Variants in GSK3B observed in about 807,000 individuals in gnomAD.
GSK3B encodes glycogen synthase kinase 3 beta, also known as glycogen synthase kinase-3 beta.
GSK3B carries 15 observed loss-of-function variants against 56.4 expected under a neutral mutation model. The observed-to-expected ratio is 0.27, with a 90% CI of 0.18 to 0.41. The LOEUF (loss-of-function observed/expected upper bound fraction) is 0.41, where lower values mean the gene tolerates loss of function less well. Among genes scored for constraint, GSK3B ranks in the 10% least tolerant of loss-of-function variants. The pLI, the probability that GSK3B is intolerant of heterozygous loss-of-function variation, is 1.00. For synonymous variants in GSK3B, 181 were observed against 188.9 expected, an observed-to-expected ratio of 0.96 and a Z score of 0.34; for missense variants, 300 against 513.4, an observed-to-expected ratio of 0.58 and a Z score of 4.02.
At chr3:120,044,324 C>A (rs2058086159) in intron 1 of GSK3B, among the ~76,000 whole-genome samples, 1 of 152,142 alleles carries the variant, frequency 6.6e-6, no homozygotes, top group South Asian at 2.1e-4. Context: ...TTAGGCCCTT[C>A]CAAGAGCTTA....
intron 2 of GSK3B, among the ~76,000 whole-genome samples, chr3:119,964,818 A>G (rs1391370586): frequency 6.6e-6 from 1 of 152,194 alleles, no homozygotes; most frequent in East Asian, 1.9e-4. Flanking sequence ...TTTGGAGGCA[A>G]TAGATATATG....
At chr3:119,980,095 A>G (rs2057446458) in intron 2 of GSK3B, among the ~76,000 whole-genome samples, 1 of 152,218 alleles carries the variant, frequency 6.6e-6, no homozygotes, top group South Asian at 2.1e-4. Context: ...TAATTGGCCT[A>G]AGAAAACTAA....
chr3:119,945,488 G>T (rs1029882816), intron 3 of GSK3B, among the ~76,000 whole-genome samples: 4 of 151,990 alleles, frequency 2.6e-5, no homozygotes, highest in African/African-American at 9.7e-5. Flanking sequence ...TTATCCTCTG[G>T]GGCATACAGA....
intron 1 of GSK3B, among the ~76,000 whole-genome samples, chr3:120,032,158 T>C (rs866432316): frequency 1.3e-5 from 2 of 152,286 alleles, no homozygotes; most frequent in Admixed American, 6.5e-5. Flanking sequence ...TTTTTATATA[T>C]TGGGGTAAAT....
intron 10 of GSK3B, among the ~76,000 whole-genome samples, chr3:119,839,918 T>C (rs543623338): frequency 2.0e-5 from 3 of 152,304 alleles, no homozygotes; most frequent in Non-Finnish European, 2.9e-5. Flanking sequence ...GTAGCTTAGA[T>C]GGGTGATTAG....
chr3:119,975,567 C>T (rs1273154079), intron 2 of GSK3B, among the ~76,000 whole-genome samples: 2 of 152,008 alleles, frequency 1.3e-5, no homozygotes, highest in Non-Finnish European at 2.9e-5. Flanking sequence ...AAAGGCAAAA[C>T]TATGGAAATA....
At chr3:119,947,880 A>T (rs1242034526) in intron 2 of GSK3B, among the ~76,000 whole-genome samples, 2 of 151,724 alleles carry the variant, frequency 1.3e-5, no homozygotes, top group Non-Finnish European at 2.9e-5. Context: ...CTCAAAAAAA[A>T]AAAAAAAGAA....
At chr3:119,832,872 C>A in intron 10 of GSK3B, 1 of 479,214 alleles carries the variant, frequency 2.1e-6, no homozygotes, top group Non-Finnish European at 2.7e-6. Context: ...GATTTTTGTC[C>A]TGGAGTAAAT....
At chr3:119,974,337 C>A (rs2057392644) in intron 2 of GSK3B, among the ~76,000 whole-genome samples, 1 of 152,168 alleles carries the variant, frequency 6.6e-6, no homozygotes, top group African/African-American at 2.4e-5. Context: ...AACTCATACA[C>A]TGAAACCTAA....
At chr3:119,876,540 C>T (rs1429164600) in intron 7 of GSK3B, 32 bp from the exon 8 acceptor site, 2 of 1,185,380 alleles carry the variant, frequency 1.7e-6, no homozygotes, top group African/African-American at 3.0e-5. Flanking sequence ...GCCATCTTTT[C>T]CTATATATTT....
chr3:119,874,081 G>C (rs371351266), intron 8 of GSK3B, among the ~76,000 whole-genome samples: 3 of 152,258 alleles, frequency 2.0e-5, no homozygotes, highest in South Asian at 2.1e-4. Flanking sequence ...TACATATTTA[G>C]TACAGCTCTT....
At chr3:119,853,195 T>G (rs182639254) in intron 9 of GSK3B, among the ~76,000 whole-genome samples, 124 of 152,320 alleles carry the variant, frequency 8.1e-4, no homozygotes, top group Non-Finnish European at 1.6e-3. Flanking sequence ...TTTCCCCATT[T>G]CTTGTTTTTG....
chr3:119,997,772 C>G (rs1289500999), intron 2 of GSK3B, among the ~76,000 whole-genome samples: 2 of 151,858 alleles, frequency 1.3e-5, no homozygotes, highest in Non-Finnish European at 2.9e-5. Flanking sequence ...AAAAGGAAAC[C>G]CAGAAGAAAA....
At chr3:120,046,934 C>T (rs909844720) in intron 1 of GSK3B, among the ~76,000 whole-genome samples, 4 of 152,134 alleles carry the variant, frequency 2.6e-5, no homozygotes, top group African/African-American at 9.7e-5. Flanking sequence ...TTAGACTAGA[C>T]CATCACATTA....
At chr3:119,838,392 T>C (rs1157229322) in intron 10 of GSK3B, among the ~76,000 whole-genome samples, 1 of 152,218 alleles carries the variant, frequency 6.6e-6, no homozygotes, top group Non-Finnish European at 1.5e-5. Flanking sequence ...TGTCTCTAGA[T>C]ACTAAAGCAT....
chr3:119,915,076 T>C (rs2056767622), intron 5 of GSK3B, among the ~76,000 whole-genome samples: 1 of 152,060 alleles, frequency 6.6e-6, no homozygotes, highest in Non-Finnish European at 1.5e-5. Flanking sequence ...TAGGCTTGAC[T>C]ACATGTTAAA....
chr3:119,922,415 A>G (rs1309146589), intron 4 of GSK3B, among the ~76,000 whole-genome samples: 4 of 148,058 alleles, frequency 2.7e-5, no homozygotes, highest in Non-Finnish European at 6.0e-5. Flanking sequence ...TAGTATATAT[A>G]GTTTATATAT....
At position 119,876,406 on chromosome 3, in the gene GSK3B, A is replaced by T. The variant is rs769275172; in HGVS notation, c.909+7T>A. On this transcript the variant is annotated splice_region_variant and intron_variant, in intron 8 of 10. Coordinates refer to ENST00000264235, the MANE Select transcript of GSK3B (RefSeq NM_001146156.2). ...GATTAATATACTTAAAAAAAAATCTAACTCACCTTAGTCCAAGGATGTGCC... is the reference window on the plus strand; with the variant it reads ...GATTAATATACTTAAAAAAAAATCTTACTCACCTTAGTCCAAGGATGTGCC... 6.7e-7 allele frequency: 1 copy of T among 1,494,810 alleles called. No homozygotes were observed. The highest frequency in any genetic ancestry group is 9.3e-7 in the Non-Finnish European group (1 of 1,073,778). The allele number at this position is 1,494,810 out of a possible 1,614,324, so 92.6% of individuals were successfully genotyped here. A position where few individuals can be genotyped will look rare whatever the true frequency, so the allele number is the denominator to read the frequency against.
intron 7 of GSK3B, among the ~76,000 whole-genome samples, chr3:119,890,840 A>T (rs1213976907): frequency 6.6e-6 from 1 of 152,042 alleles, no homozygotes; most frequent in Non-Finnish European, 1.5e-5. Context: ...TTATAAGGCT[A>T]GCATTAAAAG....
Sources: allele counts gnomAD v4.1 joint callset (sites outside exome capture counted in the v4.1 genomes callset), GRCh38; gene constraint gnomAD v4.1.1; transcripts MANE v1.5; gene names NCBI Gene and HGNC (gene_info 2026-07-23, HGNC 2026-07-21).